LRIG1: variants seen among roughly 807,000 people sequenced by gnomAD.
LRIG1 encodes the protein leucine-rich repeats and immunoglobulin-like domains protein 1.
In LRIG1, 48 loss-of-function variants were observed where a neutral mutation model predicts 99.2. The observed-to-expected ratio is 0.48, with a 90% CI of 0.38 to 0.62. LRIG1 has a LOEUF of 0.62. Ranked by LOEUF, LRIG1 falls within the 20% of genes least tolerant of loss-of-function variation. The pLI, the probability that LRIG1 is intolerant of heterozygous loss-of-function variation, is 0.00. For missense variants in LRIG1, 1,646 were observed against 1,434.4 expected (o/e 1.15, Z -2.38); for synonymous variants, 772 against 596.1 (o/e 1.29, Z -4.30).
chr3:66,436,025 C>T (rs371490981), intron 3 of LRIG1, among the ~76,000 whole-genome samples: 203 of 152,272 alleles, frequency 1.3e-3, no homozygotes, highest in African/African-American at 4.5e-3. Flanking sequence ...TGTGTGATTT[C>T]TGAAATGTAG....
intron 1 of LRIG1, among the ~76,000 whole-genome samples, chr3:66,492,485 A>G (rs368823849): frequency 2.0e-5 from 3 of 152,184 alleles, no homozygotes; most frequent in African/African-American, 7.2e-5. Flanking sequence ...CTCAAAGTCC[A>G]GCTAATTCTG....
At chr3:66,443,532 G>C (rs890329494) in intron 3 of LRIG1, among the ~76,000 whole-genome samples, 5 of 151,904 alleles carry the variant, frequency 3.3e-5, no homozygotes, top group South Asian at 4.1e-4. Context: ...GAGGTTTGCA[G>C]AACAGGGAGC....
chr3:66,391,758 TTA>T (rs902850604), intron 12 of LRIG1, among the ~76,000 whole-genome samples: 5 of 152,246 alleles, frequency 3.3e-5, no homozygotes, highest in Non-Finnish European at 7.3e-5. Flanking sequence ...GGGTAAATTT[TTA>T]TGATATATAA....
At position 66,483,119 on chromosome 3, in the gene LRIG1, G is replaced by C. The variant is rs1211629111; in HGVS notation, c.218+17071C>G. Among the ~76,000 whole-genome samples, 4 of 152,004 alleles carry C rather than the reference G, an allele frequency of 2.6e-5. 1 individual carries two copies. Among genetic ancestry groups the C allele is most frequent in the Non-Finnish European group, 2.9e-5 (2 of 68,002 alleles). On this transcript the variant is annotated intron_variant, in intron 1 of 18. Coordinates refer to ENST00000273261, the MANE Select transcript of LRIG1 (RefSeq NM_015541.3). ...GCCTAGACTATTCCAGCTCACTGGG[G>C]ACAAAAGGCTTCCCTACAGCATCAC...
intron 2 of LRIG1, among the ~76,000 whole-genome samples, chr3:66,457,778 A>G (rs976489341): frequency 1.3e-5 from 2 of 152,204 alleles, no homozygotes; most frequent in African/African-American, 4.8e-5. Context: ...CCACCACATC[A>G]TATTGAATCC....
intron 1 of LRIG1, among the ~76,000 whole-genome samples, chr3:66,485,427 A>G (rs868810643): frequency 2.0e-5 from 3 of 152,142 alleles, no homozygotes; most frequent in African/African-American, 7.2e-5. Context: ...GGTCAGCGTT[A>G]ACACCAGGGC....
In LRIG1 at chr3:66,379,952, A is replaced by G. The variant is rs749671698; in HGVS notation, c.*311T>C. On this transcript the variant is annotated 3_prime_UTR_variant, in exon 19 of 19. Coordinates refer to ENST00000273261, the MANE Select transcript of LRIG1 (RefSeq NM_015541.3). ...ACAGCAACCTGATACGAAAAATAAT[A>G]TTGTCAAAATTGTATAATTTTTTTC... 5.2e-5 allele frequency: 10 copies of G among 194,060 alleles called. No individual in the cohort carries two copies. The highest frequency in any genetic ancestry group is 1.0e-4 in the Non-Finnish European group (10 of 95,242). The allele number at this position is 194,060 out of a possible 1,614,324, so 12.0% of individuals were successfully genotyped here.
At chr3:66,398,890 G>A in intron 10 of LRIG1, 80 bp downstream of exon 10, 3 of 1,130,830 alleles carry the variant, frequency 2.7e-6, no homozygotes, top group Non-Finnish European at 4.0e-6. Flanking sequence ...TTACAAAGAT[G>A]CGATTAAATT....
At chr3:66,408,511 G>A (rs988642044) in intron 7 of LRIG1, among the ~76,000 whole-genome samples, 7 of 152,182 alleles carry the variant, frequency 4.6e-5, no homozygotes, top group African/African-American at 1.4e-4. Flanking sequence ...CATGGAAGAG[G>A]GCTTCATGCC....
rs1489906697 is a variant in LRIG1 at position 66,378,983 on chromosome 3, G to GT, written c.*1279dup. 4 of 152,720 alleles carry GT rather than the reference G, an allele frequency of 2.6e-5. No individual in the cohort carries two copies. Among genetic ancestry groups the GT allele is most frequent in the African/African-American group, 9.6e-5 (4 of 41,552 alleles). The allele number at this position is 152,720 out of a possible 1,614,324, so 9.5% of individuals were successfully genotyped here. A position where few individuals can be genotyped will look rare whatever the true frequency, so the allele number is the denominator to read the frequency against. On this transcript the variant is annotated 3_prime_UTR_variant, in exon 19 of 19. Transcript: ENST00000273261. ...CAGCAAATTCACATATTTTGTGGAA[G>GT]TAAGATTAGTCAGTTAACTGTCAAG...
At chr3:66,456,835 G>A (rs1008257042) in intron 2 of LRIG1, among the ~76,000 whole-genome samples, 2 of 152,158 alleles carry the variant, frequency 1.3e-5, no homozygotes, top group African/African-American at 2.4e-5. Context: ...AGGCACTCGC[G>A]GGCCAGGCGG....
chr3:66,454,951 C>CT (rs1700178214), intron 2 of LRIG1, among the ~76,000 whole-genome samples: 2 of 152,120 alleles, frequency 1.3e-5, no homozygotes, highest in Non-Finnish European at 2.9e-5. Context: ...TTGTGCTTGT[C>CT]TTTTTTCTGA....
intron 2 of LRIG1, 93 bp downstream of exon 2, chr3:66,462,345 G>A (rs1700373593): frequency 3.5e-6 from 3 of 866,474 alleles, no homozygotes; most frequent in South Asian, 1.4e-5. Flanking sequence ...TTACACTGCG[G>A]ATCTAGGGGA....
chr3:66,382,083 G>A (rs1575641363), intron 16 of LRIG1, among the ~76,000 whole-genome samples, 190 bp downstream of exon 16: 1 of 152,186 alleles, frequency 6.6e-6, no homozygotes, highest in East Asian at 1.9e-4. Context: ...GAGGGGACAG[G>A]ACTTTAAAAC....
At chr3:66,401,717 T>G in intron 9 of LRIG1, 1 of 1,424,956 alleles carries the variant, frequency 7.0e-7, no homozygotes, top group Non-Finnish European at 9.5e-7. Flanking sequence ...GATTATGGGC[T>G]GGGAGGACAC....
chr3:66,456,446 G>A (rs1700222594), intron 2 of LRIG1, among the ~76,000 whole-genome samples: 1 of 152,064 alleles, frequency 6.6e-6, no homozygotes, highest in Middle Eastern at 3.4e-3. Flanking sequence ...GGTTGTGCAC[G>A]CCTGTAGTTC....
At chr3:66,410,009 A>G in intron 7 of LRIG1, 120 bp downstream of exon 7, 5 of 1,050,114 alleles carry the variant, frequency 4.8e-6, no homozygotes, top group Non-Finnish European at 6.9e-6. Flanking sequence ...GAACAGGGCT[A>G]CTGGCCTGTC....
At position 66,500,655 on chromosome 3, in the gene LRIG1, CTA is replaced by C; in HGVS notation, c.-250_-249del. 3.4e-6 allele frequency: 1 copy of C among 292,430 alleles called. No homozygotes were observed. The highest frequency in any genetic ancestry group is 6.3e-6 in the Non-Finnish European group (1 of 158,750). 18.1% of individuals were successfully genotyped at this position (292,430 alleles called of 1,614,324 possible). A position where few individuals can be genotyped will look rare whatever the true frequency, so the allele number is the denominator to read the frequency against. On this transcript the variant is annotated 5_prime_UTR_variant, in exon 1 of 19. Coordinates refer to ENST00000273261, the MANE Select transcript of LRIG1 (RefSeq NM_015541.3). ...ATCCGGGCCGGCCGGCCCGCCCGCG[CTA>C]GCTGCGAACTCCGCCGATTCGGGCA...
At chr3:66,414,876 A>T in intron 5 of LRIG1, 44 bp downstream of exon 5, 1 of 1,508,178 alleles carries the variant, frequency 6.6e-7, no homozygotes, top group Non-Finnish European at 8.9e-7. Context: ...TGGCCTCCAT[A>T]AAGTTTGGCT....
Sources: gnomAD v4.1 joint callset for allele counts (sites outside exome capture counted in the v4.1 genomes callset) on GRCh38, gnomAD v4.1.1 for gene constraint, MANE v1.5 for transcripts, NCBI Gene and HGNC (gene_info 2026-07-23, HGNC 2026-07-21) for gene names.